RANBP3: variants seen among roughly 807,000 people sequenced by gnomAD.
The protein encoded by RANBP3 is RAN binding protein 3.
In RANBP3, 14 loss-of-function variants were observed where a neutral mutation model predicts 77.3. The observed-to-expected ratio is 0.18, with a 90% CI of 0.12 to 0.28. The LOEUF is 0.28. Among genes scored for constraint, RANBP3 ranks in the 10% least tolerant of loss-of-function variants. RANBP3 has a pLI of 1.00. For missense variants in RANBP3, 586 were observed against 752.3 expected (o/e 0.78, Z 2.59); for synonymous variants, 315 against 312.4 (o/e 1.01, Z -0.09).
chr19:5,976,270 C>T (rs2058589991), intron 1 of RANBP3: 1 of 152,172 alleles, frequency 6.6e-6, no homozygotes, highest in Admixed American at 6.5e-5. Flanking sequence ...ACCTATGACA[C>T]ATCCAAATGG....
intron 1 of RANBP3, among the ~76,000 whole-genome samples, chr19:5,973,703 C>G (rs1253956320): frequency 6.6e-6 from 1 of 152,234 alleles, no homozygotes; most frequent in Non-Finnish European, 1.5e-5. Flanking sequence ...TTGCTGAACC[C>G]TTCAGCTGAA....
At chr19:5,935,607 C>T in intron 5 of RANBP3, 1 of 432,080 alleles carries the variant, frequency 2.3e-6, no homozygotes, top group Non-Finnish European at 4.7e-6. Flanking sequence ...AGCGCTGGCG[C>T]TAACGCTGAG....
chr19:5,964,034 TGAAAG>T (rs2058434853), intron 1 of RANBP3, among the ~76,000 whole-genome samples: 2 of 152,174 alleles, frequency 1.3e-5, no homozygotes, highest in African/African-American at 4.8e-5. Flanking sequence ...GGCCAGAAAC[TGAAAG>T]GAGTGAGCCC....
At chr19:5,926,032 G>T (rs954652509) in intron 9 of RANBP3, among the ~76,000 whole-genome samples, 1 of 152,128 alleles carries the variant, frequency 6.6e-6, no homozygotes, top group Non-Finnish European at 1.5e-5. Flanking sequence ...CTGGCCTCTC[G>T]GTCAATGCTT....
At chr19:5,925,778 G>T in intron 9 of RANBP3, 41 bp from the exon 10 acceptor site, 1 of 1,547,572 alleles carries the variant, frequency 6.5e-7, no homozygotes, top group Non-Finnish European at 8.9e-7. Flanking sequence ...GGGGTGGGGG[G>T]GTGCCTGGAG....
intron 1 of RANBP3, among the ~76,000 whole-genome samples, chr19:5,971,645 G>A (rs1199530592): frequency 6.6e-6 from 1 of 152,224 alleles, no homozygotes; most frequent in Non-Finnish European, 1.5e-5. Context: ...CTTGGGGACT[G>A]CAGGGCCCCG....
At chr19:5,942,354 C>T (rs1198169999) in intron 3 of RANBP3, among the ~76,000 whole-genome samples, 6 of 152,180 alleles carry the variant, frequency 3.9e-5, no homozygotes, top group Non-Finnish European at 8.8e-5. Flanking sequence ...TGTTTTGGAC[C>T]AAAGCCCACT....
chr19:5,925,138 T>C, intron 10 of RANBP3: 1 of 557,270 alleles, frequency 1.8e-6, no homozygotes, highest in East Asian at 3.1e-5. Flanking sequence ...GGAAGCCACC[T>C]TCCACCTGCT....
chr19:5,960,162 T>G (rs931264188), intron 1 of RANBP3, among the ~76,000 whole-genome samples: 3 of 151,968 alleles, frequency 2.0e-5, no homozygotes, highest in Non-Finnish European at 2.9e-5. Context: ...GGGGGAAGAC[T>G]AAATCTGGCC....
At chr19:5,956,089 A>G (rs1211067421) in intron 2 of RANBP3, among the ~76,000 whole-genome samples, 3 of 152,232 alleles carry the variant, frequency 2.0e-5, no homozygotes, top group African/African-American at 7.2e-5. Context: ...CCTAGGCCAA[A>G]GAGTGAGGCT....
At chr19:5,978,027 G>A (rs772203915) in intron 1 of RANBP3, 34 bp downstream of exon 1, 50 of 1,607,846 alleles carry the variant, frequency 3.1e-5, no homozygotes, top group Non-Finnish European at 3.8e-5. Flanking sequence ...CCGTTCCCCG[G>A]CCGCCAGCCG....
At position 5,926,867 on chromosome 19, in the gene RANBP3, T is replaced by C. The variant is rs116561272; in HGVS notation, c.813+1101A>G. Among the ~76,000 whole-genome samples, 152 of 152,060 alleles carry C rather than the reference T, an allele frequency of 1.0e-3. 1 individual carries two copies. The highest frequency in any genetic ancestry group is 3.3e-3 in the African/African-American group (136 of 41,460). ...ACTTGGGCTTCTGTTGGACGGTGAG[T>C]AACAGAAAGGAAAGCAGAAAACACA... On this transcript the variant is annotated intron_variant, in intron 9 of 16. Coordinates refer to ENST00000340578, the MANE Select transcript of RANBP3 (RefSeq NM_007322.3).
chr19:5,941,562 GGA>G, intron 5 of RANBP3, 57 bp downstream of exon 5: 1 of 1,426,834 alleles, frequency 7.0e-7, no homozygotes, highest in Non-Finnish European at 9.8e-7. Context: ...GGCACTGAGG[GGA>G]ATGGCGGGTT....
In RANBP3 at chr19:5,932,386, G is replaced by T; in HGVS notation, c.565+66C>A. 7 of 1,283,586 alleles carry T rather than the reference G, an allele frequency of 5.5e-6. No homozygotes were observed. In the South Asian group the frequency reaches 8.5e-5, roughly 16 times the overall value. 79.5% of individuals were successfully genotyped at this position (1,283,586 alleles called of 1,614,324 possible). Reference sequence around the variant, plus strand: ...ACCTCTGTCGCAACACTGCTGTCCCGGGTGCGACTTCGGGAACGCTCTACC... The same window carrying T: ...ACCTCTGTCGCAACACTGCTGTCCCTGGTGCGACTTCGGGAACGCTCTACC... On this transcript the variant is annotated intron_variant, in intron 7 of 16. Coordinates refer to ENST00000340578, the MANE Select transcript of RANBP3 (RefSeq NM_007322.3).
At chr19:5,918,009 C>T (rs773011588) in intron 15 of RANBP3, 29 bp from the exon 16 acceptor site, 15 of 1,554,742 alleles carry the variant, frequency 9.6e-6, no homozygotes, top group Admixed American at 9.3e-5. Flanking sequence ...ATGAGACCCC[C>T]GGACCCCAGT....
At chr19:5,931,827 G>T (rs1380545834) in intron 7 of RANBP3, among the ~76,000 whole-genome samples, 1 of 152,144 alleles carries the variant, frequency 6.6e-6, no homozygotes, top group Non-Finnish European at 1.5e-5. Flanking sequence ...GGGGCCAGGA[G>T]TTTGAGACCA....
At chr19:5,945,469 G>GC (rs1369263065) in intron 3 of RANBP3, among the ~76,000 whole-genome samples, 4 of 152,174 alleles carry the variant, frequency 2.6e-5, no homozygotes, top group African/African-American at 9.6e-5. Flanking sequence ...CTAACAAATG[G>GC]CCCCCCATGG....
At chr19:5,927,085 C>T (rs274794) in intron 9 of RANBP3, among the ~76,000 whole-genome samples, 102,453 of 151,878 alleles carry the variant, frequency 0.67, 34,719 homozygotes, top group Admixed American at 0.78. Flanking sequence ...AGTCTCTAGA[C>T]ACAGCCACCG....
chr19:5,955,233 C>T (rs936029007), intron 2 of RANBP3, among the ~76,000 whole-genome samples: 7 of 152,114 alleles, frequency 4.6e-5, no homozygotes, highest in South Asian at 2.1e-4. Flanking sequence ...CGGGTTCAAG[C>T]GATTCTCCTG....
Sources: allele counts gnomAD v4.1 joint callset (sites outside exome capture counted in the v4.1 genomes callset), GRCh38; gene constraint gnomAD v4.1.1; transcripts MANE v1.5; gene names NCBI Gene and HGNC (gene_info 2026-07-23, HGNC 2026-07-21).